Variants in COQ10B observed in about 807,000 individuals in gnomAD.
COQ10B encodes coenzyme Q-binding protein COQ10 homolog B, mitochondrial.
In COQ10B, 12 loss-of-function variants were observed where a neutral mutation model predicts 27.6. That is an observed-to-expected ratio of 0.43 (90% CI 0.28 to 0.70). The LOEUF (loss-of-function observed/expected upper bound fraction) is 0.70, where lower values mean the gene tolerates loss of function less well. COQ10B is among the 30% of genes least tolerant of loss of function. The pLI, the probability that COQ10B is intolerant of heterozygous loss-of-function variation, is 0.17. For missense variants in COQ10B, 278 were observed against 288.7 expected (o/e 0.96, Z 0.27); for synonymous variants, 115 against 103.0 (o/e 1.12, Z -0.71).
chr2:197,464,098 T>A lies in COQ10B; in HGVS notation c.447+1367T>A, dbSNP rs753781389. Among the ~76,000 whole-genome samples, 256 of 146,590 alleles carry A rather than the reference T, an allele frequency of 1.7e-3. 3 individuals are homozygous for A. Among genetic ancestry groups the A allele is most frequent in the South Asian group, 4.5e-3 (21 of 4,690 alleles). ...ACACACACATATATATATATACATA[T>A]ATATGTATAAACATTGTTGAGATTA... On this transcript the variant is annotated intron_variant, in intron 3 of 4. Transcript: ENST00000263960.
chr2:197,467,840 T>A (rs1316829880), intron 3 of COQ10B, among the ~76,000 whole-genome samples: 1 of 152,242 alleles, frequency 6.6e-6, no homozygotes, highest in African/African-American at 2.4e-5. Flanking sequence ...GTAATTCTAG[T>A]CTACACTAAT....
At chr2:197,464,094 C>A (rs1169996542) in intron 3 of COQ10B, among the ~76,000 whole-genome samples, 1 of 116,994 alleles carries the variant, frequency 8.5e-6, no homozygotes, top group Non-Finnish European at 1.8e-5. Context: ...TATATATATA[C>A]ATATATATGT....
intron 1 of COQ10B, chr2:197,454,035 A>AGTTT (rs2085668995): frequency 6.4e-7 from 1 of 1,550,804 alleles, no homozygotes; most frequent in African/African-American, 1.4e-5. Context: ...GCTGTATGGG[A>AGTTT]GTTTGTGTTT....
Position 197,473,435 on chromosome 2 carries a change from T to C in COQ10B, c.550-322T>C, listed in dbSNP as rs1404349531. On this transcript the variant is annotated intron_variant, in intron 4 of 4. Coordinates refer to ENST00000263960, the MANE Select transcript of COQ10B (RefSeq NM_025147.5). ...AAAAAAATATATATATATATATATA[T>C]ATATATACACATATATACATATATA... 3.5e-4 allele frequency among the ~76,000 whole-genome samples: 36 copies of C among 102,782 alleles called. 2 individuals carry two copies. Among genetic ancestry groups the C allele is most frequent in the South Asian group, 7.1e-4 (2 of 2,822 alleles). 67.4% of individuals were successfully genotyped at this position (102,782 alleles called of 152,430 possible).
intron 1 of COQ10B, 75 bp from the exon 2 acceptor site, chr2:197,459,857 T>A: frequency 8.6e-7 from 1 of 1,158,370 alleles, no homozygotes; most frequent in Non-Finnish European, 1.2e-6. Flanking sequence ...GGATAATTAC[T>A]TTATAGTTTC....
chr2:197,453,872 T>G (rs2085665738), intron 1 of COQ10B: 3 of 1,343,854 alleles, frequency 2.2e-6, no homozygotes, highest in Non-Finnish European at 3.1e-6. Flanking sequence ...CGTGGCTCGT[T>G]TGCCTCGTGA....
rs150976545 is a variant in COQ10B at position 197,457,095 on chromosome 2, A to G, written c.105-2837A>G. Among the ~76,000 whole-genome samples the G allele has an allele frequency of 4.9e-3, 746 of 152,248 alleles. 9 individuals are homozygous for G. The highest frequency in any genetic ancestry group is 0.017 in the African/African-American group (690 of 41,548). ...GGAGCAAACAACCTAGATTCCTCGC[A>G]TGTGCAGTTCACAATAGAGTTCTGG... is the stretch of plus-strand genomic sequence containing the variant. On this transcript the variant is annotated intron_variant, in intron 1 of 4. Transcript: ENST00000263960.
At chr2:197,467,186 A>G (rs1312147885) in intron 3 of COQ10B, among the ~76,000 whole-genome samples, 1 of 152,126 alleles carries the variant, frequency 6.6e-6, no homozygotes, top group Non-Finnish European at 1.5e-5. Context: ...ACCTCAGGTG[A>G]TCTGCCTGCC....
intron 1 of COQ10B, chr2:197,453,934 G>A: frequency 1.9e-6 from 3 of 1,545,754 alleles, no homozygotes; most frequent in South Asian, 1.2e-5. Flanking sequence ...GGCCATTGGT[G>A]CCTTTGGGCT....
chr2:197,453,560 C>T lies in COQ10B; in HGVS notation c.-1C>T, dbSNP rs556392955. The T allele has an allele frequency of 1.9e-5, 31 of 1,612,346 alleles. No homozygotes were observed. The South Asian group carries it at 2.7e-4, about 14-fold the overall frequency. ...TGACGACCGGCTTCGGAGAGTCTAT[C>T]ATGGCAGCTCGGACTGGTCATACGG... On this transcript the variant is annotated 5_prime_UTR_variant, in exon 1 of 5. Coordinates refer to ENST00000263960, the MANE Select transcript of COQ10B (RefSeq NM_025147.5).
In COQ10B at chr2:197,453,672, A is replaced by T. The variant is rs1463896956; in HGVS notation, c.104+8A>T. The T allele has an allele frequency of 3.1e-6, 5 of 1,609,380 alleles. No individual in the cohort carries two copies. In the South Asian group the frequency reaches 4.4e-5, roughly 14 times the overall value. ...GCCCGTGCGGAATGGCAGGTAATCA[A>T]CAGCGGGGGCGCTGAGACGAGAGTA... On this transcript the variant is annotated splice_region_variant and intron_variant, in intron 1 of 4. Transcript: ENST00000263960.
At chr2:197,459,630 T>G (rs894155449) in intron 1 of COQ10B, among the ~76,000 whole-genome samples, 3 of 152,130 alleles carry the variant, frequency 2.0e-5, no homozygotes, top group African/African-American at 7.2e-5. Context: ...GATTTGTGTA[T>G]CTAGCAAAGC....
chr2:197,464,867 A>T (rs2106052481), intron 3 of COQ10B, among the ~76,000 whole-genome samples: 1 of 151,326 alleles, frequency 6.6e-6, no homozygotes, highest in Admixed American at 6.6e-5. Flanking sequence ...GTCCCTTAGA[A>T]CTTAAATCTT....
chr2:197,456,866 A>G (rs2085705093), intron 1 of COQ10B, among the ~76,000 whole-genome samples: 1 of 152,042 alleles, frequency 6.6e-6, no homozygotes, highest in Non-Finnish European at 1.5e-5. Context: ...ATAGGGAGAG[A>G]TTTGTTGAAG....
intron 1 of COQ10B, among the ~76,000 whole-genome samples, chr2:197,458,865 A>G (rs569498862): frequency 4.5e-4 from 69 of 152,122 alleles, no homozygotes; most frequent in Non-Finnish European, 7.1e-4. Flanking sequence ...CATTTTTAGT[A>G]GAGATGGGGT....
At chr2:197,459,069 A>T (rs2085729982) in intron 1 of COQ10B, among the ~76,000 whole-genome samples, 1 of 152,212 alleles carries the variant, frequency 6.6e-6, no homozygotes, top group African/African-American at 2.4e-5. Flanking sequence ...ACCTCAAACA[A>T]TAAGTTTCTG....
In COQ10B at chr2:197,470,149, G is replaced by A; in HGVS notation, c.527G>A (p.Arg176Lys). The change falls in exon 4 of 5, where the codon AGA (arginine) becomes AAA (lysine). Residue 176 changes from arginine (R) to lysine (K), a missense_variant. This residue lies in a region of COQ10B where 83 missense variants were observed against 104.5 expected (regional missense o/e 0.79). Coordinates refer to ENST00000263960, the MANE Select transcript of COQ10B (RefSeq NM_025147.5). Reference sequence around the variant, plus strand: ...AGCCCAGGTCTTCCTGGCTACCCAAGAACTTGTACCTTGGATTTTTCAGTA... The same window carrying A: ...AGCCCAGGTCTTCCTGGCTACCCAAAAACTTGTACCTTGGATTTTTCAGTA... Reference protein sequence around the residue: ...RFSPGLPGYPRTCTLDFSISF... With the variant: ...RFSPGLPGYPKTCTLDFSISF... The A allele has an allele frequency of 6.2e-7, 1 of 1,611,294 alleles. No individual in the cohort carries two copies. The highest frequency in any genetic ancestry group is 8.5e-7 in the Non-Finnish European group (1 of 1,177,696).
Position 197,470,101 on chromosome 2 carries a change from A to G in COQ10B, c.479A>G (p.His160Arg). 6.2e-7 allele frequency: 1 copy of G among 1,613,336 alleles called. No homozygotes were observed. Among genetic ancestry groups the G allele is most frequent in the Non-Finnish European group, 8.5e-7 (1 of 1,179,484 alleles). Reference sequence around the variant, plus strand: ...TGTACTGATGGGAGACTTTTCAATCATTTGGAGACTATTTGGCGTTTTAGC... The same window carrying G: ...TGTACTGATGGGAGACTTTTCAATCGTTTGGAGACTATTTGGCGTTTTAGC... ...ASCTDGRLFNHLETIWRFSPG... is the reference protein window; with the variant it reads ...ASCTDGRLFNRLETIWRFSPG... The change falls in exon 4 of 5, where the codon CAT (histidine) becomes CGT (arginine). Residue 160 changes from histidine to arginine, a missense_variant. Coordinates refer to ENST00000263960, the MANE Select transcript of COQ10B (RefSeq NM_025147.5).
At chr2:197,465,518 C>T (rs915622106) in intron 3 of COQ10B, among the ~76,000 whole-genome samples, 1 of 151,968 alleles carries the variant, frequency 6.6e-6, no homozygotes, top group Non-Finnish European at 1.5e-5. Flanking sequence ...TCTTGAACTC[C>T]TGACCTCAGG....
Sources: allele counts gnomAD v4.1 joint callset (sites outside exome capture counted in the v4.1 genomes callset), GRCh38; gene constraint gnomAD v4.1.1; regional missense constraint gnomAD v4.1.1; transcripts MANE v1.5; gene names NCBI Gene and HGNC (gene_info 2026-07-23, HGNC 2026-07-21).